Variants in CD99 observed in about 807,000 individuals in gnomAD.
CD99 encodes the protein CD99 antigen.
Under a neutral mutation model 28.4 loss-of-function variants are expected in CD99, and 19 were observed. That is an observed-to-expected ratio of 0.67 (90% CI 0.47 to 0.98). The LOEUF is 0.98. Among genes scored for constraint, CD99 ranks in the 50% least tolerant of loss-of-function variants. The pLI, the probability that CD99 is intolerant of heterozygous loss-of-function variation, is 0.00. For synonymous variants in CD99, 103 were observed against 92.1 expected, an observed-to-expected ratio of 1.12 and a Z score of -0.67; for missense variants, 283 against 248.8, an observed-to-expected ratio of 1.14 and a Z score of -0.92.
chrX:2,739,943 T>C (rs1260989990), intron 9 of CD99, among the ~76,000 whole-genome samples: 1 of 115,354 alleles, frequency 8.7e-6, no homozygotes, highest in Non-Finnish European at 1.8e-5. Context: ...AAAAAAAAAA[T>C]TAGCCAGGCA....
chrX:2,726,301 G>T lies in CD99; in HGVS notation c.403G>T (p.Val135Leu), dbSNP rs770516694. Residue 135 changes from valine to leucine, a missense_variant, in exon 8 of 10, where the codon GTG becomes TTG. Transcript: ENST00000381192. ...GVIPGIVGAV[V>L]VAVAGAISSF... ...GATCCCCGGGATTGTGGGGGCTGTC[G>T]TGGTCGCCGTGGCTGGAGCCATCTC... 1.9e-6 allele frequency: 3 copies of T among 1,612,064 alleles called. No homozygotes were observed. Among genetic ancestry groups the T allele is most frequent in the Non-Finnish European group, 2.5e-6 (3 of 1,179,650 alleles).
At chrX:2,705,725 G>C (rs1272514256) in intron 1 of CD99, among the ~76,000 whole-genome samples, 1 of 152,142 alleles carries the variant, frequency 6.6e-6, no homozygotes, top group Admixed American at 6.6e-5. Context: ...TGGACGCTTT[G>C]TGCCCTGTGA....
intron 9 of CD99, among the ~76,000 whole-genome samples, chrX:2,738,932 C>T (rs1462817900): frequency 6.6e-6 from 1 of 151,934 alleles, no homozygotes; most frequent in Non-Finnish European, 1.5e-5. Flanking sequence ...ACTGCAGCCT[C>T]GATCTCCTGG....
At chrX:2,706,040 C>G (rs6641998) in intron 1 of CD99, among the ~76,000 whole-genome samples, 1 of 148,524 alleles carries the variant, frequency 6.7e-6, no homozygotes, top group South Asian at 2.2e-4. Flanking sequence ...ACTGGTTCCA[C>G]TCGACCTCCA....
At chrX:2,696,622 C>T (rs774440763) in intron 1 of CD99, among the ~76,000 whole-genome samples, 4 of 152,174 alleles carry the variant, frequency 2.6e-5, no homozygotes, top group African/African-American at 7.2e-5. Context: ...AGGCTGGTTT[C>T]GAACTCCTGA....
chrX:2,738,000 T>TG, intron 8 of CD99, 200 bp from the exon 9 acceptor site: 1 of 720,206 alleles, frequency 1.4e-6, no homozygotes. Context: ...GTGCCATGCA[T>TG]GAAAAAATAC....
intron 8 of CD99, among the ~76,000 whole-genome samples, chrX:2,728,204 T>TC (rs1472356899): frequency 7.1e-6 from 1 of 141,124 alleles, no homozygotes; most frequent in African/African-American, 2.6e-5. Context: ...TTGTTTCTTT[T>TC]TTTTTTTTTT....
rs1231247848 is a variant in CD99, at chrX:2,692,005, G to A, written c.67+578G>A. ...GGCTCCGGGAATTTCAGCGCGTGCT[G>A]TGCGCCAAGCAACACGGGGCGCAGA... On this transcript the variant is annotated intron_variant, in intron 1 of 9. Transcript: ENST00000381192. 4.1e-6 allele frequency: 3 copies of A among 732,090 alleles called. No individual in the cohort carries two copies. The African/African-American group carries it at 5.2e-5, about 13-fold the overall frequency. 45.3% of individuals were successfully genotyped at this position (732,090 alleles called of 1,614,324 possible).
chrX:2,732,852 T>A (rs1452819179), intron 8 of CD99, among the ~76,000 whole-genome samples: 1 of 136,840 alleles, frequency 7.3e-6, no homozygotes, highest in Non-Finnish European at 1.5e-5. Flanking sequence ...ATCTCTCCTG[T>A]TCTTACATGC....
intron 7 of CD99, among the ~76,000 whole-genome samples, chrX:2,725,918 T>G (rs2049257697): frequency 1.3e-5 from 2 of 152,202 alleles, no homozygotes; most frequent in South Asian, 4.2e-4. Context: ...CAGCCCCAGC[T>G]CTCTTTCCAT....
At chrX:2,717,477 G>A (rs1282558610) in intron 2 of CD99, 128 bp from the exon 3 acceptor site, 5 of 764,656 alleles carry the variant, frequency 6.5e-6, no homozygotes, top group East Asian at 5.3e-5. Flanking sequence ...GTGGGCAGGT[G>A]AGAAAAAACA....
At chrX:2,733,713 A>G (rs1196145301) in intron 8 of CD99, 3 of 382,430 alleles carry the variant, frequency 7.8e-6, no homozygotes, top group Non-Finnish European at 1.4e-5. Context: ...CCCTAAGTCC[A>G]TCCCTGCCAA....
At chrX:2,736,029 C>T (rs947237477) in intron 8 of CD99, among the ~76,000 whole-genome samples, 54 of 151,744 alleles carry the variant, frequency 3.6e-4, no homozygotes, top group African/African-American at 1.1e-3. Flanking sequence ...GGTGAAACCC[C>T]GTCTCTACTA....
rs752788532 is a variant in CD99, at chrX:2,738,064, G to T, written c.476-136G>T. ...AGACTCCATGTTCCCAGTGGGTCTC[G>T]GGGTTCAGAACTGAGTGCTCTCATC... On this transcript the variant is annotated intron_variant, in intron 8 of 9. Transcript: ENST00000381192. 4.9e-6 allele frequency: 4 copies of T among 809,822 alleles called. No individual in the cohort carries two copies. The South Asian group carries it at 5.4e-5, about 11-fold the overall frequency. 50.2% of individuals were successfully genotyped at this position (809,822 alleles called of 1,614,324 possible).
chrX:2,697,603 C>T (rs193258382), intron 1 of CD99, among the ~76,000 whole-genome samples: 1 of 152,132 alleles, frequency 6.6e-6, no homozygotes, highest in Non-Finnish European at 1.5e-5. Context: ...CGTTTCTGCA[C>T]GATGGACTGG....
At chrX:2,692,192 G>C in intron 1 of CD99, 1 of 476,690 alleles carries the variant, frequency 2.1e-6, no homozygotes, top group South Asian at 2.9e-5. Context: ...CCCTCCCTTT[G>C]AAACGGAAAC....
chrX:2,701,654 A>G (rs1236176382), intron 1 of CD99, among the ~76,000 whole-genome samples: 1 of 152,222 alleles, frequency 6.6e-6, no homozygotes, highest in African/African-American at 2.4e-5. Context: ...CTCAGACTAG[A>G]GGAGCTGCAG....
At chrX:2,738,107 G>A (rs1163136187) in intron 8 of CD99, 93 bp from the exon 9 acceptor site, 4 of 1,149,218 alleles carry the variant, frequency 3.5e-6, no homozygotes, top group South Asian at 1.2e-5. Context: ...TAGGAGCGTC[G>A]ACCTCAGGAA....
Position 2,728,834 on chromosome X carries a change from C to CTTTT in CD99, c.475+2478_475+2481dup, listed in dbSNP as rs1332444102. Among the ~76,000 whole-genome samples the CTTTT allele has an allele frequency of 3.8e-4, 45 of 119,608 alleles. 1 individual carries two copies. Among genetic ancestry groups the CTTTT allele is most frequent in the Middle Eastern group, 4.4e-3 (1 of 226 alleles). 78.5% of individuals were successfully genotyped at this position (119,608 alleles called of 152,430 possible). Reference sequence around the variant, plus strand: ...AGATGTTGTATTTCAAACTCTCTGGCTTTTTTTTTTTTTTTTTTTTGAGAC... The same window carrying CTTTT: ...AGATGTTGTATTTCAAACTCTCTGGCTTTTTTTTTTTTTTTTTTTTTTTTGAGAC... On this transcript the variant is annotated intron_variant, in intron 8 of 9. Coordinates refer to ENST00000381192, the MANE Select transcript of CD99 (RefSeq NM_002414.5).
Sources: allele counts gnomAD v4.1 joint callset (sites outside exome capture counted in the v4.1 genomes callset), GRCh38; gene constraint gnomAD v4.1.1; transcripts MANE v1.5; gene names NCBI Gene and HGNC (gene_info 2026-07-23, HGNC 2026-07-21).